TJP2: variants seen among roughly 807,000 people sequenced by gnomAD.
TJP2 encodes the protein Friedreich ataxia region gene X104 (tight junction protein ZO-2).
In TJP2, 91 loss-of-function variants were observed where a neutral mutation model predicts 133.1. The ratio of observed to expected loss-of-function variants is 0.68; its 90% CI spans 0.58 to 0.81. TJP2 has a LOEUF of 0.81. Ranked by LOEUF, TJP2 falls within the 40% of genes least tolerant of loss-of-function variation. TJP2 has a pLI of 0.00. For missense variants in TJP2, 1,541 were observed against 1,565.6 expected (o/e 0.98, Z 0.26); for synonymous variants, 592 against 583.4 (o/e 1.01, Z -0.21).
intron 17 of TJP2, among the ~76,000 whole-genome samples, chr9:69,245,854 A>G (rs1283912394): frequency 6.6e-6 from 1 of 152,230 alleles, no homozygotes; most frequent in Non-Finnish European, 1.5e-5. Context: ...TTCTTTGAAT[A>G]CACACTGGTT....
At chr9:69,170,805 T>A (rs996950558), upstream of TJP2, among the ~76,000 whole-genome samples, 5 of 152,196 alleles carry the variant, frequency 3.3e-5, no homozygotes, top group Admixed American at 6.5e-5. Flanking sequence ...GCAACTCAAG[T>A]CTGCCCCCTA....
intron 1 of TJP2, among the ~76,000 whole-genome samples, chr9:69,145,998 G>A (rs907544592): frequency 5.3e-5 from 8 of 152,124 alleles, no homozygotes; most frequent in Non-Finnish European, 8.8e-5. Context: ...AAATAGGAAT[G>A]AAATTGTTGG....
intron 1 of TJP2, among the ~76,000 whole-genome samples, chr9:69,207,221 A>G (rs981438289): frequency 2.6e-5 from 4 of 152,158 alleles, no homozygotes; most frequent in Non-Finnish European, 5.9e-5. Flanking sequence ...TGTCTGTACC[A>G]TTTGTAAATG....
intron 1 of TJP2, among the ~76,000 whole-genome samples, chr9:69,139,754 C>T (rs1261537979): frequency 1.3e-5 from 2 of 152,198 alleles, no homozygotes; most frequent in African/African-American, 4.8e-5. Context: ...GCAGTGAGAG[C>T]GAGACCAGGT....
intron 1 of TJP2, among the ~76,000 whole-genome samples, chr9:69,148,049 C>G (rs938041892): frequency 6.6e-6 from 1 of 151,694 alleles, no homozygotes; most frequent in Non-Finnish European, 1.5e-5. Context: ...CTCAGCCTCC[C>G]GAGTAGCTTG....
At chr9:69,204,489 A>G (rs1827241885) in intron 1 of TJP2, among the ~76,000 whole-genome samples, 1 of 152,194 alleles carries the variant, frequency 6.6e-6, no homozygotes, top group Non-Finnish European at 1.5e-5. Flanking sequence ...CAAGTGGTAA[A>G]GACAAAGAAC....
chr9:69,129,135 T>C (rs1199511300), intron 1 of TJP2, among the ~76,000 whole-genome samples: 2 of 152,196 alleles, frequency 1.3e-5, no homozygotes, highest in Non-Finnish European at 2.9e-5. Flanking sequence ...TCCATGAAAA[T>C]AATCATACAC....
chr9:69,174,909 GTTTTTTTTT>G (rs35641843), intron 1 of TJP2, among the ~76,000 whole-genome samples: 2 of 139,256 alleles, frequency 1.4e-5, no homozygotes, highest in African/African-American at 5.3e-5. Flanking sequence ...AGTAAAAGTT[GTTTTTTTTT>G]TTTTTTTTTT....
In TJP2 at chr9:69,210,006, G is replaced by A. The variant is rs79410282; in HGVS notation, c.61-2542G>A. Among the ~76,000 whole-genome samples the A allele has an allele frequency of 8.3e-3, 1,256 of 152,164 alleles. 26 individuals are homozygous for A. The highest frequency in any genetic ancestry group is 0.029 in the African/African-American group (1,188 of 41,516). ...AAACTTTCTTTAAGAAAATTTGTAG[G>A]CTGGGCACGGTGTCTCACACCTGTA... On this transcript the variant is annotated intron_variant, in intron 1 of 22. Transcript: ENST00000377245.
chr9:69,122,355 G>A (rs1193073224), intron 1 of TJP2: 1 of 152,282 alleles, frequency 6.6e-6, no homozygotes, highest in Non-Finnish European at 1.5e-5. Context: ...CGCGGGGCTT[G>A]AAAACTCCGC....
intron 2 of TJP2, among the ~76,000 whole-genome samples, chr9:69,213,627 T>G (rs1245049556): frequency 6.6e-6 from 1 of 152,262 alleles, no homozygotes; most frequent in Non-Finnish European, 1.5e-5. Flanking sequence ...TCTGGGCCAG[T>G]GCCCAGGTAC....
At chr9:69,135,472 G>A (rs998127284) in intron 1 of TJP2, among the ~76,000 whole-genome samples, 2 of 152,022 alleles carry the variant, frequency 1.3e-5, no homozygotes, top group Non-Finnish European at 2.9e-5. Flanking sequence ...GCAGAGTCTC[G>A]CTCTGTCACC....
chr9:69,174,204 G>T (rs1382628677), upstream of TJP2: 1 of 1,394,548 alleles, frequency 7.2e-7, no homozygotes, highest in Non-Finnish European at 9.3e-7. Context: ...GGCTGACGCC[G>T]CCGCCGCCGC....
At chr9:69,196,518 G>T (rs1826570119) in intron 1 of TJP2, among the ~76,000 whole-genome samples, 1 of 152,160 alleles carries the variant, frequency 6.6e-6, no homozygotes, top group Non-Finnish European at 1.5e-5. Context: ...GAGGCAAGGA[G>T]AAATTAAGTA....
At chr9:69,164,839 C>CT (rs952719895) in intron 2 of TJP2, among the ~76,000 whole-genome samples, 6 of 151,674 alleles carry the variant, frequency 4.0e-5, no homozygotes, top group Middle Eastern at 3.4e-3. Flanking sequence ...GATTTTTTTT[C>CT]TTTTTTTTGA....
Position 69,251,086 on chromosome 9 carries a change from T to A in TJP2, c.3043T>A (p.Tyr1015Asn). ...ESYDFSKSYE[Y>N]KSNPSAVAGN... ...CTATGACTTCTCCAAATCCTATGAA[T>A]ATAAGTCAAACCCCTCTGCCGTTGC... Residue 1015 changes from tyrosine to asparagine, a missense_variant, in exon 21 of 23, where the codon TAT becomes AAT. Coordinates refer to ENST00000377245, the MANE Select transcript of TJP2 (RefSeq NM_004817.4). The A allele has an allele frequency of 1.2e-6, 2 of 1,614,168 alleles. No homozygotes were observed. Among genetic ancestry groups the A allele is most frequent in the Non-Finnish European group, 1.7e-6 (2 of 1,180,024 alleles).
rs556000850 is a variant in TJP2, at chr9:69,246,580, C to T, written c.2567-110C>T. ...AAGATGTGCAAACATCTTCTTGCGT[C>T]TGCCATAGTCTTAAATATCACAGAA... On this transcript the variant is annotated intron_variant, in intron 17 of 22. Transcript: ENST00000377245. 35 of 914,302 alleles carry T rather than the reference C, an allele frequency of 3.8e-5. No homozygotes were observed. The East Asian group carries it at 8.7e-4, about 23-fold the overall frequency. The allele number at this position is 914,302 out of a possible 1,614,324, so 56.6% of individuals were successfully genotyped here. A position where few individuals can be genotyped will look rare whatever the true frequency, so the allele number is the denominator to read the frequency against.
chr9:69,125,244 C>T lies in TJP2; in HGVS notation c.-131+3519C>T, dbSNP rs566602432. ...CTAGGATTACAGGTGTGAGCCACTG[C>T]GCCCGGCCAAGTCAAAGTCTTTATA... On this transcript the variant is annotated intron_variant, in intron 1 of 5. Transcript: ENST00000423935. 7.7e-3 allele frequency among the ~76,000 whole-genome samples: 565 copies of T among 72,942 alleles called. 225 individuals are homozygous for T. The highest frequency in any genetic ancestry group is 0.018 in the Admixed American group (88 of 4,812). 47.9% of individuals were successfully genotyped at this position (72,942 alleles called of 152,430 possible).
intron 1 of TJP2, among the ~76,000 whole-genome samples, chr9:69,207,946 T>C (rs1827566481): frequency 6.6e-6 from 1 of 152,224 alleles, no homozygotes. Context: ...AGTTTGCTCT[T>C]TGGGTACACT....
Sources: gnomAD v4.1 joint callset for allele counts (sites outside exome capture counted in the v4.1 genomes callset) on GRCh38, gnomAD v4.1.1 for gene constraint, MANE v1.5 for transcripts, NCBI Gene and HGNC (gene_info 2026-07-23, HGNC 2026-07-21) for gene names.